The following BCL2 variants were observed in gnomAD, a reference collection of about 807,000 sequenced individuals.
BCL2 encodes the protein apoptosis regulator Bcl-2.
Under a neutral mutation model 14.2 loss-of-function variants are expected in BCL2, and 1 was observed. That is an observed-to-expected ratio of 0.07 (90% CI 0.02 to 0.33). The LOEUF is 0.33. Among genes scored for constraint, BCL2 ranks in the 10% least tolerant of loss-of-function variants. BCL2 has a pLI of 0.99. For synonymous variants in BCL2, 151 were observed against 137.2 expected, an observed-to-expected ratio of 1.10 and a Z score of -0.70; for missense variants, 247 against 305.9, an observed-to-expected ratio of 0.81 and a Z score of 1.44.
intron 2 of BCL2, among the ~76,000 whole-genome samples, chr18:63,178,053 G>T (rs1915391569): frequency 6.6e-6 from 1 of 152,218 alleles, no homozygotes; most frequent in Non-Finnish European, 1.5e-5. Flanking sequence ...GGGGCCTCTG[G>T]TGTTTCAGGC....
intron 2 of BCL2, among the ~76,000 whole-genome samples, chr18:63,240,270 T>A (rs1910962914): frequency 6.6e-6 from 1 of 152,246 alleles, no homozygotes; most frequent in Admixed American, 6.5e-5. Flanking sequence ...ATTACCGCTG[T>A]GAGCCACTGC....
intron 2 of BCL2, among the ~76,000 whole-genome samples, chr18:63,157,358 G>C (rs1914810382): frequency 6.6e-6 from 1 of 152,194 alleles, no homozygotes; most frequent in South Asian, 2.1e-4. Flanking sequence ...CCGCCCAGGA[G>C]GGTGGTCCCA....
chr18:63,244,725 T>A (rs1911106990), intron 2 of BCL2, among the ~76,000 whole-genome samples: 1 of 152,200 alleles, frequency 6.6e-6, no homozygotes, highest in African/African-American at 2.4e-5. Context: ...GTTCATTTCA[T>A]CCGTCCTAGG....
chr18:63,202,512 G>C (rs1355325157), intron 2 of BCL2, among the ~76,000 whole-genome samples: 1 of 152,016 alleles, frequency 6.6e-6, no homozygotes, highest in African/African-American at 2.4e-5. Flanking sequence ...ATAATTTTCA[G>C]CTCTAACATT....
intron 2 of BCL2, among the ~76,000 whole-genome samples, chr18:63,178,255 C>T (rs1915395785): frequency 6.6e-6 from 1 of 152,144 alleles, no homozygotes; most frequent in East Asian, 1.9e-4. Context: ...TGTGGTCCGC[C>T]GCTGAACAGG....
In BCL2 at chr18:63,318,833, T is replaced by C; in HGVS notation, c.-167A>G. ...AATCACGCGGAACACTTGATTCTGG[T>C]GTTTCCCCCTTGGCATGAGATGCAG... On this transcript the variant is annotated 5_prime_UTR_variant, in exon 2 of 3. Coordinates refer to ENST00000333681, the MANE Select transcript of BCL2 (RefSeq NM_000633.3). The surrounding 1 kb of genome is among the most constrained non-coding windows in gnomAD (Gnocchi z 7.4). 7.1e-7 allele frequency: 1 copy of C among 1,415,048 alleles called. No individual in the cohort carries two copies. The highest frequency in any genetic ancestry group is 9.2e-7 in the Non-Finnish European group (1 of 1,083,334). The allele number at this position is 1,415,048 out of a possible 1,614,324, so 87.7% of individuals were successfully genotyped here. A position where few individuals can be genotyped will look rare whatever the true frequency, so the allele number is the denominator to read the frequency against.
chr18:63,143,324 C>A (rs1002453567), intron 2 of BCL2, among the ~76,000 whole-genome samples: 2 of 152,196 alleles, frequency 1.3e-5, no homozygotes, highest in African/African-American at 4.8e-5. Context: ...TCAGCACAAC[C>A]TACAGGGGCA....
At chr18:63,252,256 G>A (rs952016824) in intron 2 of BCL2, among the ~76,000 whole-genome samples, 1 of 152,114 alleles carries the variant, frequency 6.6e-6, no homozygotes, top group South Asian at 2.1e-4. Flanking sequence ...TTTAACATTC[G>A]TGTCACATCT....
intron 2 of BCL2, among the ~76,000 whole-genome samples, chr18:63,208,913 T>G (rs984084295): frequency 6.6e-6 from 1 of 152,116 alleles, no homozygotes; most frequent in Non-Finnish European, 1.5e-5. Flanking sequence ...GACACAAACA[T>G]GAAGTGAAAA....
intron 2 of BCL2, among the ~76,000 whole-genome samples, chr18:63,299,947 C>A (rs1317892339): frequency 6.6e-6 from 1 of 151,956 alleles, no homozygotes; most frequent in Non-Finnish European, 1.5e-5. Context: ...GTGTCTGTTT[C>A]CCCAGGAGAC....
At chr18:63,133,656 G>C (rs2144589878) in intron 2 of BCL2, among the ~76,000 whole-genome samples, 1 of 152,200 alleles carries the variant, frequency 6.6e-6, no homozygotes, top group Non-Finnish European at 1.5e-5. Flanking sequence ...TGTCAAGAAT[G>C]GAAGAGAAGG....
At chr18:63,281,740 A>AAAGAAAGAAAGAAAG (rs1568256937) in intron 2 of BCL2, among the ~76,000 whole-genome samples, 2 of 144,664 alleles carry the variant, frequency 1.4e-5, no homozygotes, top group African/African-American at 5.3e-5. Context: ...AAGAAAGAAA[A>AAAGAAAGAAAGAAAG]AGAGAGAGGA....
intron 2 of BCL2, among the ~76,000 whole-genome samples, chr18:63,259,920 G>A (rs1457638031): frequency 9.2e-5 from 14 of 152,056 alleles, no homozygotes; most frequent in African/African-American, 2.2e-4. Flanking sequence ...ACATTCAATT[G>A]CACACATCTG....
chr18:63,175,806 C>T (rs1227580747), intron 2 of BCL2, among the ~76,000 whole-genome samples: 1 of 152,190 alleles, frequency 6.6e-6, no homozygotes, highest in Admixed American at 6.5e-5. Flanking sequence ...ATTTAGACAC[C>T]TTCTTAAGAG....
At chr18:63,179,996 C>T (rs918850267) in intron 2 of BCL2, among the ~76,000 whole-genome samples, 1 of 152,194 alleles carries the variant, frequency 6.6e-6, no homozygotes, top group Non-Finnish European at 1.5e-5. Flanking sequence ...TTATAGCTAT[C>T]CCTTTCATGA....
At chr18:63,143,787 A>C (rs1408670116) in intron 2 of BCL2, among the ~76,000 whole-genome samples, 2 of 152,368 alleles carry the variant, frequency 1.3e-5, no homozygotes, top group South Asian at 2.1e-4. Flanking sequence ...CCTTGCTGCC[A>C]TTGCAGAAAC....
chr18:63,313,760 C>T (rs1028251192), intron 2 of BCL2: 13 of 152,228 alleles, frequency 8.5e-5, no homozygotes, highest in South Asian at 8.3e-4. Context: ...CTCCAAATAG[C>T]GCAATAGGAC....
At chr18:63,276,193 C>T (rs1044785476) in intron 2 of BCL2, among the ~76,000 whole-genome samples, 19 of 152,066 alleles carry the variant, frequency 1.2e-4, no homozygotes, top group African/African-American at 2.7e-4. Context: ...TCTTGGGGGC[C>T]GAGTCCTTGC....
intron 2 of BCL2, among the ~76,000 whole-genome samples, chr18:63,131,097 G>GC (rs1393514872): frequency 6.6e-6 from 1 of 152,068 alleles, no homozygotes; most frequent in African/African-American, 2.4e-5. Flanking sequence ...GCACAGGGCA[G>GC]CCCCCCAATG....
Sources: allele counts gnomAD v4.1 joint callset (sites outside exome capture counted in the v4.1 genomes callset), GRCh38; gene constraint gnomAD v4.1.1; non-coding constraint Gnocchi (gnomAD v3.1); transcripts MANE v1.5; gene names NCBI Gene and HGNC (gene_info 2026-07-23, HGNC 2026-07-21).